Variants in RIC1 observed in about 807,000 individuals in gnomAD.
RIC1 encodes guanine nucleotide exchange factor subunit RIC1.
RIC1 carries 88 observed loss-of-function variants against 169.0 expected under a neutral mutation model. That is an observed-to-expected ratio of 0.52 (90% CI 0.44 to 0.62). The LOEUF (loss-of-function observed/expected upper bound fraction) is 0.62, where lower values mean the gene tolerates loss of function less well. RIC1 is among the 20% of genes least tolerant of loss of function. The pLI is 0.00. For missense variants in RIC1, 1,877 were observed against 1,725.5 expected (o/e 1.09, Z -1.56); for synonymous variants, 790 against 601.5 (o/e 1.31, Z -4.59).
rs575741711 is a variant in RIC1, at chr9:5,667,316, C to T, written c.252+10626C>T. Among the ~76,000 whole-genome samples the T allele has an allele frequency of 5.9e-5, 9 of 151,990 alleles. No individual in the cohort carries two copies. In the South Asian group the frequency reaches 6.2e-4, roughly 11 times the overall value. On this transcript the variant is annotated intron_variant, in intron 2 of 25. Coordinates refer to ENST00000414202, the MANE Select transcript of RIC1 (RefSeq NM_020829.4). ...CAGCCTGGGCAATAGAGCAAGACTCCGTATCAGGAAAAAAACAATTTTTGT... is the reference window on the plus strand; with the variant it reads ...CAGCCTGGGCAATAGAGCAAGACTCTGTATCAGGAAAAAAACAATTTTTGT...
intron 6 of RIC1, among the ~76,000 whole-genome samples, chr9:5,725,683 G>C (rs929412072): frequency 3.3e-5 from 5 of 152,022 alleles, no homozygotes; most frequent in African/African-American, 4.8e-5. Context: ...CGTGCTTTCT[G>C]TTGTGGGCAT....
intron 14 of RIC1, 100 bp downstream of exon 14, chr9:5,753,746 A>G: frequency 2.0e-6 from 1 of 501,954 alleles, no homozygotes; most frequent in East Asian, 3.2e-5. Flanking sequence ...TTGGTTACTT[A>G]TTAAAAATAA....
intron 17 of RIC1, among the ~76,000 whole-genome samples, chr9:5,759,977 T>C (rs762689615): frequency 7.9e-5 from 12 of 152,192 alleles, no homozygotes; most frequent in Admixed American, 7.2e-4. Flanking sequence ...ATACCATATT[T>C]TGAGAGGGCC....
At chr9:5,636,947 A>C (rs1817999572) in intron 1 of RIC1, among the ~76,000 whole-genome samples, 1 of 152,212 alleles carries the variant, frequency 6.6e-6, no homozygotes, top group Non-Finnish European at 1.5e-5. Flanking sequence ...AAACATTTTT[A>C]ATATTAATGA....
chr9:5,692,009 G>A (rs147008196), intron 3 of RIC1, among the ~76,000 whole-genome samples: 35 of 152,154 alleles, frequency 2.3e-4, no homozygotes, highest in African/African-American at 8.4e-4. Context: ...AGTTAACTAA[G>A]TAGTCCTGAC....
intron 2 of RIC1, among the ~76,000 whole-genome samples, chr9:5,668,171 AT>A (rs1819890639): frequency 6.6e-6 from 1 of 152,198 alleles, no homozygotes; most frequent in African/African-American, 2.4e-5. Flanking sequence ...CTCACTCATT[AT>A]CACGAGAACA....
chr9:5,697,681 T>C (rs1821984466), intron 3 of RIC1, among the ~76,000 whole-genome samples: 1 of 152,150 alleles, frequency 6.6e-6, no homozygotes, highest in Admixed American at 6.5e-5. Context: ...TTTCCAGAAT[T>C]ATGGTTGGAG....
chr9:5,770,922 G>A (rs974227492), intron 23 of RIC1, among the ~76,000 whole-genome samples: 4 of 152,148 alleles, frequency 2.6e-5, no homozygotes, highest in Admixed American at 2.6e-4. Flanking sequence ...ATATAGTATA[G>A]GAGCTTAAAC....
intron 2 of RIC1, among the ~76,000 whole-genome samples, chr9:5,658,991 T>A (rs761217345): frequency 2.0e-5 from 3 of 152,070 alleles, no homozygotes; most frequent in Non-Finnish European, 4.4e-5. Flanking sequence ...CATTAATAGA[T>A]GAAAATTTGC....
intron 3 of RIC1, among the ~76,000 whole-genome samples, chr9:5,693,108 G>A (rs1177613585): frequency 6.6e-6 from 1 of 152,088 alleles, no homozygotes; most frequent in Non-Finnish European, 1.5e-5. Flanking sequence ...ATGGAAAAAG[G>A]AGAAATGATC....
intron 2 of RIC1, among the ~76,000 whole-genome samples, chr9:5,685,793 A>C (rs1821182995): frequency 7.1e-6 from 1 of 140,150 alleles, no homozygotes; most frequent in Non-Finnish European, 1.6e-5. Context: ...AATTCAACTA[A>C]AGAGCTTCTG....
chr9:5,672,296 A>C (rs1820153720), intron 2 of RIC1, among the ~76,000 whole-genome samples: 1 of 152,226 alleles, frequency 6.6e-6, no homozygotes, highest in Non-Finnish European at 1.5e-5. Context: ...GACCAAACTA[A>C]ACAAGTAAAA....
chr9:5,772,164 C>T (rs1383764899), intron 23 of RIC1, among the ~76,000 whole-genome samples: 1 of 152,130 alleles, frequency 6.6e-6, no homozygotes. Flanking sequence ...CCCTTCCTTG[C>T]AGTTTATTCA....
intron 2 of RIC1, among the ~76,000 whole-genome samples, chr9:5,665,370 A>G (rs751436794): frequency 1.3e-5 from 2 of 152,148 alleles, no homozygotes; most frequent in African/African-American, 2.4e-5. Flanking sequence ...CTTACTTTGC[A>G]TTGGGTTAAA....
At chr9:5,678,553 G>C (rs1410232967) in intron 2 of RIC1, among the ~76,000 whole-genome samples, 1 of 152,004 alleles carries the variant, frequency 6.6e-6, no homozygotes, top group Admixed American at 6.6e-5. Flanking sequence ...ACTGGTGTGA[G>C]ATGATATCTC....
At chr9:5,637,654 C>T (rs769163147) in intron 1 of RIC1, among the ~76,000 whole-genome samples, 2 of 152,172 alleles carry the variant, frequency 1.3e-5, no homozygotes, top group African/African-American at 4.8e-5. Context: ...CACTCTTTAT[C>T]ACCATTAGTT....
At chr9:5,638,021 C>A (rs974051746) in intron 1 of RIC1, among the ~76,000 whole-genome samples, 1 of 152,142 alleles carries the variant, frequency 6.6e-6, no homozygotes, top group Non-Finnish European at 1.5e-5. Context: ...AGGTATGTTC[C>A]TTCTATACCC....
In RIC1 at chr9:5,646,546, A is replaced by T. The variant is rs150902227; in HGVS notation, c.145-10037A>T. On this transcript the variant is annotated intron_variant, in intron 1 of 25. Transcript: ENST00000414202. The stretch of plus-strand genomic sequence containing the variant: ...ACCATTATGGCACAATTGCTTATGT[A>T]TTCAGTATAGTAATATGCTATATAG... 9.5e-4 allele frequency among the ~76,000 whole-genome samples: 144 copies of T among 152,314 alleles called. 2 individuals carry two copies. The highest frequency in any genetic ancestry group is 8.5e-3 in the Admixed American group (130 of 15,302).
At chr9:5,722,939 T>C (rs1194548940) in intron 6 of RIC1, among the ~76,000 whole-genome samples, 1 of 152,244 alleles carries the variant, frequency 6.6e-6, no homozygotes, top group Non-Finnish European at 1.5e-5. Context: ...TGCCACATTT[T>C]CTTAATCCAG....
Sources: allele counts gnomAD v4.1 joint callset (sites outside exome capture counted in the v4.1 genomes callset), GRCh38; gene constraint gnomAD v4.1.1; transcripts MANE v1.5; gene names NCBI Gene and HGNC (gene_info 2026-07-23, HGNC 2026-07-21).